RASGEF1C: variants seen among roughly 807,000 people sequenced by gnomAD.
The protein encoded by RASGEF1C is RasGEF domain family member 1C.
Under a neutral mutation model 58.1 loss-of-function variants are expected in RASGEF1C, and 27 were observed. The observed-to-expected ratio is 0.46, with a 90% CI of 0.34 to 0.64. The LOEUF is 0.64. RASGEF1C is among the 30% of genes least tolerant of loss of function. The pLI is 0.01. For missense variants in RASGEF1C, 502 were observed against 605.1 expected, an observed-to-expected ratio of 0.83 and a Z score of 1.79; for synonymous variants, 243 against 246.3, an observed-to-expected ratio of 0.99 and a Z score of 0.13.
intron 1 of RASGEF1C, among the ~76,000 whole-genome samples, chr5:180,188,418 C>A (rs1023134648): frequency 2.6e-5 from 4 of 152,138 alleles, no homozygotes; most frequent in South Asian, 2.1e-4. Context: ...AGTTACAGAA[C>A]CTTTGCAATT....
intron 1 of RASGEF1C, among the ~76,000 whole-genome samples, chr5:180,172,885 ATG>A (rs1767135422): frequency 6.6e-6 from 1 of 151,956 alleles, no homozygotes; most frequent in Non-Finnish European, 1.5e-5. Flanking sequence ...TCCCGCCTCC[ATG>A]CCTTTGCCCA....
intron 10 of RASGEF1C, chr5:180,115,329 GTCTT>G (rs1766048072): frequency 2.3e-6 from 1 of 426,774 alleles, no homozygotes; most frequent in African/African-American, 2.1e-5. Context: ...GTCCCCCTCT[GTCTT>G]TCTTGATGCT....
chr5:180,153,954 G>A (rs1169416276), intron 1 of RASGEF1C, among the ~76,000 whole-genome samples: 1 of 152,196 alleles, frequency 6.6e-6, no homozygotes, highest in Non-Finnish European at 1.5e-5. Flanking sequence ...TGTTGGGAGG[G>A]GCTGGGGCCA....
At chr5:180,176,804 C>A (rs1414143634) in intron 1 of RASGEF1C, among the ~76,000 whole-genome samples, 2 of 152,182 alleles carry the variant, frequency 1.3e-5, no homozygotes, top group Admixed American at 6.5e-5. Flanking sequence ...GATCCGCCCG[C>A]CTCGGCCTCC....
intron 1 of RASGEF1C, among the ~76,000 whole-genome samples, chr5:180,170,192 T>C (rs1052508750): frequency 6.6e-6 from 1 of 152,116 alleles, no homozygotes; most frequent in African/African-American, 2.4e-5. Flanking sequence ...GAGTGAATGA[T>C]GGCCCCCGGG....
At chr5:180,102,226 C>G (rs890377374) in intron 12 of RASGEF1C, 83 bp from the exon 13 acceptor site, 1 of 809,658 alleles carries the variant, frequency 1.2e-6, no homozygotes, top group Admixed American at 1.9e-5. Context: ...GCGTGGGTCT[C>G]TTTCTGGGTT....
chr5:180,127,668 T>C lies in RASGEF1C; in HGVS notation c.655A>G (p.Ile219Val), dbSNP rs1317932262. Residue 219 changes from isoleucine to valine, a missense_variant, in exon 6 of 14, where the codon ATC becomes GTC. Transcript: ENST00000361132. ...THVELERLRH[I>V]GPEEFVQAFV... ...GCCTGGACAAACTCCTCAGGCCCGA[T>C]GTGCCGCAGCCGCTCCTGCAGGGAA... is the stretch of plus-strand genomic sequence containing the variant. The C allele has an allele frequency of 3.1e-6, 5 of 1,612,974 alleles. No individual in the cohort carries two copies. Among genetic ancestry groups the C allele is most frequent in the Admixed American group, 1.7e-5 (1 of 59,882 alleles).
chr5:180,176,293 G>T (rs142554060), intron 1 of RASGEF1C, among the ~76,000 whole-genome samples: 1 of 152,232 alleles, frequency 6.6e-6, no homozygotes, highest in Non-Finnish European at 1.5e-5. Context: ...CAGAGCAGCC[G>T]TGGGAGGGCA....
At chr5:180,133,131 T>C (rs1161397899) in intron 4 of RASGEF1C, among the ~76,000 whole-genome samples, 2 of 152,260 alleles carry the variant, frequency 1.3e-5, no homozygotes, top group Admixed American at 6.5e-5. Flanking sequence ...GAGCTCTAAC[T>C]ACTGCGTCCA....
chr5:180,147,851 T>C (rs924885375), intron 1 of RASGEF1C, among the ~76,000 whole-genome samples: 2 of 152,188 alleles, frequency 1.3e-5, no homozygotes, highest in African/African-American at 4.8e-5. Flanking sequence ...TCCTTACTTA[T>C]CTTCTGTCTG....
chr5:180,150,994 GA>G (rs1766737421), intron 1 of RASGEF1C, among the ~76,000 whole-genome samples: 1 of 150,684 alleles, frequency 6.6e-6, no homozygotes. Flanking sequence ...AAATACCTAG[GA>G]ATCCAACTTG....
chr5:180,161,038 C>CATAA (rs1766935865), intron 1 of RASGEF1C, among the ~76,000 whole-genome samples: 1 of 152,200 alleles, frequency 6.6e-6, no homozygotes, highest in Non-Finnish European at 1.5e-5. Flanking sequence ...AGGGGCCCAT[C>CATAA]ACTAAACATA....
At chr5:180,115,761 T>C (rs1351497320) in intron 10 of RASGEF1C, among the ~76,000 whole-genome samples, 1 of 152,130 alleles carries the variant, frequency 6.6e-6, no homozygotes, top group African/African-American at 2.4e-5. Flanking sequence ...TTAAATACCT[T>C]GCATAAGCTC....
intron 11 of RASGEF1C, among the ~76,000 whole-genome samples, chr5:180,112,964 G>A (rs1345474877): frequency 4.4e-5 from 6 of 136,890 alleles, no homozygotes; most frequent in African/African-American, 1.6e-4. Flanking sequence ...CGGAGGGACC[G>A]GGGATGGACG....
chr5:180,131,208 T>C (rs1047879546), intron 4 of RASGEF1C, among the ~76,000 whole-genome samples: 1 of 152,118 alleles, frequency 6.6e-6, no homozygotes, highest in African/African-American at 2.4e-5. Flanking sequence ...TTCCTGAAAA[T>C]GCCTCCATGG....
rs567282104 is a variant in RASGEF1C at position 180,114,443 on chromosome 5, T to C, written c.1179+3A>G. 9.9e-6 allele frequency: 16 copies of C among 1,611,858 alleles called. No individual in the cohort carries two copies. Among genetic ancestry groups the C allele is most frequent in the African/African-American group, 4.0e-5 (3 of 75,016 alleles). On this transcript the variant is annotated splice_donor_region_variant and intron_variant, in intron 11 of 13. Coordinates refer to ENST00000361132, the MANE Select transcript of RASGEF1C (RefSeq NM_175062.4). ...TCAGTGGCGGTCCACACGGAGGTCC[T>C]ACCTCAAAGTTGACGTGTCCATTGG...
rs1004510152 is a variant in RASGEF1C at position 180,184,627 on chromosome 5, T to C, written c.-7+24401A>G. Among the ~76,000 whole-genome samples the C allele has an allele frequency of 2.0e-5, 3 of 152,116 alleles. No individual in the cohort carries two copies. The East Asian group carries it at 5.8e-4, about 29-fold the overall frequency. Reference sequence around the variant, plus strand: ...AACATAAAAGGCAGAGATTTTCAGATTGGATATGAAAGCAAGAACCACATA... The same window carrying C: ...AACATAAAAGGCAGAGATTTTCAGACTGGATATGAAAGCAAGAACCACATA... On this transcript the variant is annotated intron_variant, in intron 1 of 13. Transcript: ENST00000361132.
At chr5:180,171,454 C>T (rs1321424350) in intron 1 of RASGEF1C, among the ~76,000 whole-genome samples, 1 of 152,156 alleles carries the variant, frequency 6.6e-6, no homozygotes, top group Non-Finnish European at 1.5e-5. Context: ...GTGACAAGCA[C>T]CCCAGCACCC....
chr5:180,201,513 C>G (rs1204398730), intron 1 of RASGEF1C, among the ~76,000 whole-genome samples: 1 of 152,186 alleles, frequency 6.6e-6, no homozygotes, highest in African/African-American at 2.4e-5. Flanking sequence ...TACCACCAGT[C>G]CAGGCAAATT....
Sources: gnomAD v4.1 joint callset for allele counts (sites outside exome capture counted in the v4.1 genomes callset) on GRCh38, gnomAD v4.1.1 for gene constraint, MANE v1.5 for transcripts, NCBI Gene and HGNC (gene_info 2026-07-23, HGNC 2026-07-21) for gene names.